Variants in LIFR observed in about 807,000 individuals in gnomAD.
The protein encoded by LIFR is leukemia inhibitory factor receptor.
In LIFR, 84 loss-of-function variants were observed where a neutral mutation model predicts 122.2. The ratio of observed to expected loss-of-function variants is 0.69; its 90% CI spans 0.58 to 0.82. LIFR has a LOEUF of 0.82. LIFR is among the 40% of genes least tolerant of loss of function. The pLI is 0.00. For synonymous variants in LIFR, 422 were observed against 434.7 expected (o/e 0.97, Z 0.36); for missense variants, 1,294 against 1,311.6 (o/e 0.99, Z 0.21).
chr5:38,590,893 C>T (rs1749902568), intron 1 of LIFR, among the ~76,000 whole-genome samples: 1 of 152,144 alleles, frequency 6.6e-6, no homozygotes, highest in South Asian at 2.1e-4. Context: ...TTGTTGACTC[C>T]CTTTTATATG....
At chr5:38,603,598 AG>A (rs1205513055) in intron 2 of LIFR, among the ~76,000 whole-genome samples, 1 of 152,154 alleles carries the variant, frequency 6.6e-6, no homozygotes, top group Non-Finnish European at 1.5e-5. Flanking sequence ...GCCCAGACAA[AG>A]GGTGATGTGG....
At position 38,545,882 on chromosome 5, in the gene LIFR, A is replaced by G. The variant is rs1057454476; in HGVS notation, c.-20+10452T>C. The stretch of plus-strand genomic sequence containing the variant: ...ATCTCAAAAAAAAAGAAAAAAAAAA[A>G]AAAAAGAAAAAATCCAATGTAAAAT... On this transcript the variant is annotated intron_variant, in intron 1 of 19. Transcript: ENST00000453190. Among the ~76,000 whole-genome samples the G allele has an allele frequency of 2.0e-5, 3 of 151,652 alleles. No individual in the cohort carries two copies. In the East Asian group the frequency reaches 5.8e-4, roughly 29 times the overall value.
chr5:38,496,321 C>T, intron 13 of LIFR, 61 bp downstream of exon 13: 1 of 1,290,706 alleles, frequency 7.7e-7, no homozygotes, highest in Non-Finnish European at 1.1e-6. Flanking sequence ...GAGCAAGTAA[C>T]ATCAGACATT....
At chr5:38,513,372 A>G (rs2112504412) in intron 5 of LIFR, among the ~76,000 whole-genome samples, 1 of 152,356 alleles carries the variant, frequency 6.6e-6, no homozygotes, top group Non-Finnish European at 1.5e-5. Flanking sequence ...AAAGAGCTCA[A>G]AACAGCAGGA....
chr5:38,500,701 A>G (rs1196490832), intron 11 of LIFR, among the ~76,000 whole-genome samples: 1 of 152,202 alleles, frequency 6.6e-6, no homozygotes, highest in Non-Finnish European at 1.5e-5. Flanking sequence ...TGAGGTGCAA[A>G]TAAGATGTTT....
At chr5:38,604,269 C>A (rs1750280377) in intron 2 of LIFR, among the ~76,000 whole-genome samples, 1 of 152,146 alleles carries the variant, frequency 6.6e-6, no homozygotes, top group Admixed American at 6.5e-5. Flanking sequence ...ACTCCCAGAC[C>A]TGTGGAGAGG....
chr5:38,565,610 G>A (rs1360576452), intron 1 of LIFR, among the ~76,000 whole-genome samples: 2 of 147,962 alleles, frequency 1.4e-5, no homozygotes, highest in African/African-American at 2.5e-5. Flanking sequence ...TTTTTTAGAC[G>A]GAGTTTCGCT....
At chr5:38,590,311 TG>T (rs1192465369) in intron 1 of LIFR, among the ~76,000 whole-genome samples, 6 of 151,862 alleles carry the variant, frequency 4.0e-5, no homozygotes, top group Non-Finnish European at 7.4e-5. Flanking sequence ...CATACAAGCA[TG>T]GGGGGAAGGG....
intron 1 of LIFR, among the ~76,000 whole-genome samples, chr5:38,577,438 C>A (rs1430332339): frequency 2.6e-5 from 4 of 152,156 alleles, no homozygotes; most frequent in African/African-American, 9.7e-5. Context: ...CAGTCATCTG[C>A]CTAGACTGCC....
rs76797941 is a variant in LIFR at position 38,525,384 on chromosome 5, T to C, written c.397+1771A>G. Among the ~76,000 whole-genome samples, 234 of 152,250 alleles carry C rather than the reference T, an allele frequency of 1.5e-3. 5 individuals are homozygous for C. In the East Asian group the frequency reaches 0.04, roughly 26 times the overall value. The stretch of plus-strand genomic sequence containing the variant: ...AAGCTCAAGGACCAATTACATATAG[T>C]CATGGTAAGCCCAAAACTGCAGGAC... On this transcript the variant is annotated intron_variant, in intron 4 of 19. Transcript: ENST00000453190.
chr5:38,517,299 T>C lies in LIFR; in HGVS notation c.562-5335A>G, dbSNP rs1023422031. On this transcript the variant is annotated intron_variant, in intron 5 of 19. Transcript: ENST00000453190. ...TATTTGTTTAGCAGCTTTACAGATA[T>C]ACTATTTACTTTGCAGACCCCAGAG... 3.3e-5 allele frequency among the ~76,000 whole-genome samples: 5 copies of C among 152,268 alleles called. No homozygotes were observed. The South Asian group carries it at 6.2e-4, about 19-fold the overall frequency.
At chr5:38,492,440 C>T (rs1744646011) in intron 14 of LIFR, among the ~76,000 whole-genome samples, 1 of 152,100 alleles carries the variant, frequency 6.6e-6, no homozygotes, top group South Asian at 2.1e-4. Context: ...TCGTGTAAGG[C>T]TCATTCAGCA....
At chr5:38,490,388 A>T in intron 14 of LIFR, 97 bp from the exon 15 acceptor site, 2 of 542,464 alleles carry the variant, frequency 3.7e-6, no homozygotes, top group East Asian at 3.2e-5. Flanking sequence ...AAATTTCCAA[A>T]GCTAATTTTA....
intron 5 of LIFR, among the ~76,000 whole-genome samples, chr5:38,518,361 T>C (rs1303742722): frequency 6.6e-6 from 1 of 152,100 alleles, no homozygotes; most frequent in African/African-American, 2.4e-5. Flanking sequence ...GGAATAATAA[T>C]AGTATCACCC....
At chr5:38,482,514 G>GT in intron 19 of LIFR, 75 bp downstream of exon 19, 1 of 814,372 alleles carries the variant, frequency 1.2e-6, no homozygotes, top group Non-Finnish European at 2.0e-6. Context: ...ACATTTGCAT[G>GT]TTAAAAACTT....
upstream of LIFR, among the ~76,000 whole-genome samples, chr5:38,598,252 T>TTTTTTTTTTG (rs1750156276): frequency 1.8e-5 from 1 of 54,778 alleles, no homozygotes; most frequent in African/African-American, 1.1e-4. Flanking sequence ...TTTATTTTTT[T>TTTTTTTTTTG]TTTTTTTCTT....
rs1265185261 is a variant in LIFR, at chr5:38,489,110, C to G, written c.2303G>C (p.Arg768Thr). The G allele has an allele frequency of 1.2e-6, 2 of 1,613,026 alleles. No individual in the cohort carries two copies. Among genetic ancestry groups the G allele is most frequent in the Non-Finnish European group, 1.7e-6 (2 of 1,179,336 alleles). ...TAAAACCCTCATCTTAGATGTGTCT[C>G]TTTCTCCTTTTCCAAAGTAAAACAA... ...GYLFYFGKGERDTSKMRVLES... is the reference protein window; with the variant it reads ...GYLFYFGKGETDTSKMRVLES... The change falls in exon 16 of 20, where the codon AGA becomes ACA. Residue 768 changes from arginine to threonine, a missense_variant. Transcript: ENST00000453190.
intron 16 of LIFR, 128 bp from the exon 17 acceptor site, chr5:38,486,108 G>C: frequency 2.5e-6 from 2 of 797,860 alleles, no homozygotes; most frequent in Non-Finnish European, 4.2e-6. Context: ...AAGGACTCTG[G>C]AGCTGCCACT....
At chr5:38,518,080 C>A (rs969125013) in intron 5 of LIFR, among the ~76,000 whole-genome samples, 7 of 151,512 alleles carry the variant, frequency 4.6e-5, no homozygotes, top group Non-Finnish European at 7.4e-5. Flanking sequence ...TGCCACTGTA[C>A]TCCAGCCAAG....
Sources: gnomAD v4.1 joint callset for allele counts (sites outside exome capture counted in the v4.1 genomes callset) on GRCh38, gnomAD v4.1.1 for gene constraint, MANE v1.5 for transcripts, NCBI Gene and HGNC (gene_info 2026-07-23, HGNC 2026-07-21) for gene names.